Variants in PITPNC1 observed in about 807,000 individuals in gnomAD.
The protein encoded by PITPNC1 is cytoplasmic phosphatidylinositol transfer protein 1.
In PITPNC1, 18 loss-of-function variants were observed where a neutral mutation model predicts 44.7. That is an observed-to-expected ratio of 0.40 (90% CI 0.28 to 0.60). The LOEUF (loss-of-function observed/expected upper bound fraction) is 0.60. PITPNC1 is among the 20% of genes least tolerant of loss of function. The pLI is 0.39. For missense variants in PITPNC1, 290 were observed against 418.4 expected (o/e 0.69, Z 2.68); for synonymous variants, 141 against 149.6 (o/e 0.94, Z 0.42).
intron 8 of PITPNC1, among the ~76,000 whole-genome samples, chr17:67,675,783 G>C (rs900921479): frequency 1.3e-5 from 2 of 152,212 alleles, no homozygotes; most frequent in Non-Finnish European, 2.9e-5. Context: ...TTACATAGTT[G>C]ATACGCATGG....
intron 6 of PITPNC1, among the ~76,000 whole-genome samples, chr17:67,658,437 A>G (rs2042298660): frequency 6.6e-6 from 1 of 152,206 alleles, no homozygotes; most frequent in South Asian, 2.1e-4. Flanking sequence ...TTGTTAGCCC[A>G]TAAAAGCCCC....
intron 1 of PITPNC1, among the ~76,000 whole-genome samples, chr17:67,502,710 A>G (rs777519950): frequency 2.0e-5 from 3 of 151,962 alleles, no homozygotes; most frequent in Non-Finnish European, 4.4e-5. Flanking sequence ...TACTTGAGGA[A>G]GTTTGTGTGA....
In PITPNC1 at chr17:67,516,588, G is replaced by A. The variant is rs187300547; in HGVS notation, c.49-16214G>A. On this transcript the variant is annotated intron_variant, in intron 1 of 8. Transcript: ENST00000581322. The stretch of plus-strand genomic sequence containing the variant: ...TGCTGTGAGCAAGTAGATTTCCAGA[G>A]CTTGCTTGCAGGCAGTGACCTCCCC... Among the ~76,000 whole-genome samples, 4 of 152,220 alleles carry A rather than the reference G, an allele frequency of 2.6e-5. No individual in the cohort carries two copies. The East Asian group carries it at 5.8e-4, about 22-fold the overall frequency.
intron 1 of PITPNC1, among the ~76,000 whole-genome samples, chr17:67,443,357 T>C (rs184733920): frequency 6.6e-6 from 1 of 152,098 alleles, no homozygotes; most frequent in Admixed American, 6.6e-5. Context: ...TCTTAGACTC[T>C]CGCAAGCAGG....
Position 67,425,699 on chromosome 17 carries a change from A to T in PITPNC1, c.48+47497A>T, listed in dbSNP as rs191190284. Among the ~76,000 whole-genome samples, 1,038 of 149,796 alleles carry T rather than the reference A, an allele frequency of 6.9e-3. 15 individuals are homozygous for T. Among genetic ancestry groups the T allele is most frequent in the African/African-American group, 0.023 (920 of 40,698 alleles). ...ACCACGCTTGGCTAATTAAAAAAAAATTTTTTTTTTAAAGAGATGGGGTCT... is the reference window on the plus strand; with the variant it reads ...ACCACGCTTGGCTAATTAAAAAAAATTTTTTTTTTTAAAGAGATGGGGTCT... On this transcript the variant is annotated intron_variant, in intron 1 of 8. Transcript: ENST00000581322.
At chr17:67,518,153 G>A (rs1447209553) in intron 1 of PITPNC1, among the ~76,000 whole-genome samples, 1 of 152,104 alleles carries the variant, frequency 6.6e-6, no homozygotes, top group Non-Finnish European at 1.5e-5. Flanking sequence ...TCCTGGATGG[G>A]CCATCAAAAT....
chr17:67,528,925 C>T (rs1372589075), intron 1 of PITPNC1, among the ~76,000 whole-genome samples: 1 of 152,070 alleles, frequency 6.6e-6, no homozygotes, highest in Non-Finnish European at 1.5e-5. Flanking sequence ...AACCACTGCT[C>T]CTGGAATGGC....
intron 7 of PITPNC1, among the ~76,000 whole-genome samples, chr17:67,672,151 C>G (rs1179966550): frequency 6.6e-6 from 1 of 151,932 alleles, no homozygotes; most frequent in East Asian, 1.9e-4. Flanking sequence ...CCAGGCCAGT[C>G]TCGAACTCCT....
chr17:67,623,920 A>G (rs1030630805), intron 5 of PITPNC1, among the ~76,000 whole-genome samples: 1 of 152,212 alleles, frequency 6.6e-6, no homozygotes, highest in Non-Finnish European at 1.5e-5. Context: ...ATGAAGCAAG[A>G]GCAATTGCAA....
rs940450987 is a variant in PITPNC1, at chr17:67,493,282, G to A, written c.49-39520G>A. Reference sequence around the variant, plus strand: ...GAGCCCATTACAGGGCTGGGCAGGCGTGAAAGCACACCAGTTTCTGGGAAT... The same window carrying A: ...GAGCCCATTACAGGGCTGGGCAGGCATGAAAGCACACCAGTTTCTGGGAAT... On this transcript the variant is annotated intron_variant, in intron 1 of 8. Coordinates refer to ENST00000581322, the MANE Select transcript of PITPNC1 (RefSeq NM_012417.4). 3.3e-5 allele frequency among the ~76,000 whole-genome samples: 5 copies of A among 152,200 alleles called. No individual in the cohort carries two copies. The East Asian group carries it at 5.8e-4, about 18-fold the overall frequency.
chr17:67,632,218 C>T lies in PITPNC1; in HGVS notation c.442C>T (p.Arg148Cys). The part of the protein sequence containing the change: ...IDIACDEIPE[R>C]YYKESEDPKH... ...TATTGCCTGCGATGAAATTCCAGAG[C>T]GCTACTACAAAGAATCTGAGGTAAG... is the stretch of plus-strand genomic sequence containing the variant. Residue 148 changes from arginine to cysteine, a missense_variant, in exon 6 of 9, where the codon CGC (arginine) becomes TGC (cysteine). Arg to Cys is a radical substitution (Grantham distance 180, BLOSUM62 -3). Transcript: ENST00000581322. 6.2e-7 allele frequency: 1 copy of T among 1,606,674 alleles called. No individual in the cohort carries two copies. The highest frequency in any genetic ancestry group is 8.5e-7 in the Non-Finnish European group (1 of 1,173,280).
chr17:67,452,136 G>T (rs1348384369), intron 1 of PITPNC1, among the ~76,000 whole-genome samples: 6 of 151,822 alleles, frequency 4.0e-5, no homozygotes, highest in Non-Finnish European at 8.8e-5. Flanking sequence ...CTCCTGAGTA[G>T]CTGGGACTAC....
At chr17:67,405,595 T>G (rs1007517670) in intron 1 of PITPNC1, among the ~76,000 whole-genome samples, 1 of 151,808 alleles carries the variant, frequency 6.6e-6, no homozygotes, top group Non-Finnish European at 1.5e-5. Context: ...AACATTTTCT[T>G]TCTTTCTTTC....
intron 1 of PITPNC1, among the ~76,000 whole-genome samples, chr17:67,443,251 C>A (rs1488841189): frequency 1.3e-5 from 2 of 152,020 alleles, no homozygotes; most frequent in Non-Finnish European, 2.9e-5. Context: ...AATTGTGCCC[C>A]TGTCTCCTGA....
At chr17:67,556,887 T>C (rs11656439) in intron 4 of PITPNC1, among the ~76,000 whole-genome samples, 39,843 of 152,106 alleles carry the variant, frequency 0.26, 6,324 homozygotes, top group Non-Finnish European at 0.35. Context: ...GTGTTGCATG[T>C]AAGTGTTAGA....
intron 2 of PITPNC1, among the ~76,000 whole-genome samples, chr17:67,548,470 A>C (rs917893939): frequency 6.6e-6 from 1 of 152,156 alleles, no homozygotes; most frequent in African/African-American, 2.4e-5. Context: ...ATGCACCTGT[A>C]ATCCCAGCTA....
At chr17:67,643,126 G>A (rs974459462) in intron 6 of PITPNC1, among the ~76,000 whole-genome samples, 18 of 152,184 alleles carry the variant, frequency 1.2e-4, no homozygotes, top group Admixed American at 6.5e-4. Flanking sequence ...GGGGCCAGGT[G>A]CAGTGGCTCA....
intron 5 of PITPNC1, among the ~76,000 whole-genome samples, chr17:67,625,975 TTG>T (rs2041890903): frequency 8.1e-5 from 11 of 135,726 alleles, no homozygotes; most frequent in Non-Finnish European, 6.3e-5. Context: ...GGTTTGTTTG[TTG>T]TTTTTTTTTT....
At chr17:67,535,686 T>C (rs749202393) in intron 2 of PITPNC1, among the ~76,000 whole-genome samples, 9 of 152,154 alleles carry the variant, frequency 5.9e-5, no homozygotes, top group Non-Finnish European at 1.3e-4. Flanking sequence ...CCACTTCCCA[T>C]GACAAACACA....
Sources: allele counts gnomAD v4.1 joint callset (sites outside exome capture counted in the v4.1 genomes callset), GRCh38; gene constraint gnomAD v4.1.1; transcripts MANE v1.5; gene names NCBI Gene and HGNC (gene_info 2026-07-23, HGNC 2026-07-21).